The following KIF5C variants were observed in gnomAD, a reference collection of about 807,000 sequenced individuals.
KIF5C encodes the protein kinesin family member 5C, also known as kinesin heavy chain isoform 5C.
Under a neutral mutation model 125.2 loss-of-function variants are expected in KIF5C, and 18 were observed. That is an observed-to-expected ratio of 0.14 (90% CI 0.10 to 0.21). The LOEUF is 0.21. Ranked by LOEUF, KIF5C falls within the 10% of genes least tolerant of loss-of-function variation. The pLI is 1.00. For synonymous variants in KIF5C, 405 were observed against 434.0 expected, an observed-to-expected ratio of 0.93 and a Z score of 0.83; for missense variants, 780 against 1,183.8, an observed-to-expected ratio of 0.66 and a Z score of 5.01.
chr2:149,023,391 C>T lies in KIF5C; in HGVS notation c.*321C>T, dbSNP rs1279520559. 6.6e-6 allele frequency: 1 copy of T among 152,614 alleles called. No individual in the cohort carries two copies. Among genetic ancestry groups the T allele is most frequent in the Non-Finnish European group, 1.5e-5 (1 of 68,042 alleles). The allele number at this position is 152,614 out of a possible 1,614,324, so 9.5% of individuals were successfully genotyped here. A position where few individuals can be genotyped will look rare whatever the true frequency, so the allele number is the denominator to read the frequency against. ...GAGCCTCCTCTGGGCAGTGCACTGTCCCATCTGTACGCCCTAATGTGCCAT... is the reference window on the plus strand; with the variant it reads ...GAGCCTCCTCTGGGCAGTGCACTGTTCCATCTGTACGCCCTAATGTGCCAT... On this transcript the variant is annotated 3_prime_UTR_variant, in exon 26 of 26. Coordinates refer to ENST00000435030, the MANE Select transcript of KIF5C (RefSeq NM_004522.3).
At chr2:148,961,501 A>C (rs1337901543) in intron 10 of KIF5C, among the ~76,000 whole-genome samples, 2 of 152,198 alleles carry the variant, frequency 1.3e-5, no homozygotes, top group Non-Finnish European at 2.9e-5. Flanking sequence ...TGCAGTCTCC[A>C]AGAGGACAGA....
intron 1 of KIF5C, among the ~76,000 whole-genome samples, chr2:148,887,835 A>G (rs11899232): frequency 6.6e-6 from 1 of 151,120 alleles, no homozygotes; most frequent in Non-Finnish European, 1.5e-5. Flanking sequence ...CGCTAGTAGT[A>G]CGCTTCGGTT....
chr2:149,010,513 G>T (rs978958696), intron 24 of KIF5C, among the ~76,000 whole-genome samples, 162 bp downstream of exon 24: 3 of 152,268 alleles, frequency 2.0e-5, no homozygotes, highest in African/African-American at 7.2e-5. Context: ...TGCTCACCCT[G>T]TGGGAATGGG....
chr2:148,937,533 C>A, intron 4 of KIF5C, 145 bp downstream of exon 4: 2 of 1,175,202 alleles, frequency 1.7e-6, no homozygotes, highest in Non-Finnish European at 1.1e-6. Context: ...TTATTAGTGA[C>A]CTAGGCTAAC....
At position 148,981,568 on chromosome 2, in the gene KIF5C, G is replaced by A. The variant is rs1681236784; in HGVS notation, c.1569+7G>A. 5 of 1,583,046 alleles carry A rather than the reference G, an allele frequency of 3.2e-6. No homozygotes were observed. Among genetic ancestry groups the A allele is most frequent in the Non-Finnish European group, 4.3e-6 (5 of 1,164,910 alleles). ...CGAGCTGGCCCAGAAAACGGTTGGA[G>A]CATTTGTGTCTAGGGGGTGGGACTT... is the stretch of plus-strand genomic sequence containing the variant. On this transcript the variant is annotated splice_region_variant and intron_variant, in intron 14 of 25. Coordinates refer to ENST00000435030, the MANE Select transcript of KIF5C (RefSeq NM_004522.3).
intron 24 of KIF5C, 139 bp from the exon 25 acceptor site, chr2:149,011,431 A>C: frequency 8.3e-7 from 1 of 1,199,614 alleles, no homozygotes; most frequent in Non-Finnish European, 1.1e-6. Flanking sequence ...ATTTTCAGAG[A>C]GATCTGGTGG....
intron 25 of KIF5C, among the ~76,000 whole-genome samples, chr2:149,021,716 CTT>C (rs34201201): frequency 0.014 from 1,955 of 134,922 alleles, 28 homozygotes; most frequent in African/African-American, 0.037. Flanking sequence ...TTACAGAGGG[CTT>C]TTTTTTTTTT....
intron 1 of KIF5C, among the ~76,000 whole-genome samples, chr2:148,906,086 T>G (rs924046037): frequency 5.3e-5 from 8 of 152,016 alleles, no homozygotes; most frequent in African/African-American, 1.7e-4. Context: ...CCATATCAGA[T>G]GGGTTTACCT....
At chr2:148,884,353 G>A (rs1681453206) in intron 1 of KIF5C, 1 of 152,114 alleles carries the variant, frequency 6.6e-6, no homozygotes, top group South Asian at 2.1e-4. Flanking sequence ...ATATCTTCTG[G>A]GCAATGGTAA....
intron 11 of KIF5C, 149 bp downstream of exon 11, chr2:148,962,268 C>A: frequency 8.4e-7 from 1 of 1,193,796 alleles, no homozygotes; most frequent in Non-Finnish European, 1.1e-6. Flanking sequence ...AGGGTTCAAG[C>A]CATTCTCCTG....
At chr2:148,956,439 G>C (rs920021429) in intron 10 of KIF5C, among the ~76,000 whole-genome samples, 1 of 152,138 alleles carries the variant, frequency 6.6e-6, no homozygotes, top group Non-Finnish European at 1.5e-5. Flanking sequence ...TCTGATCTTT[G>C]TCCACTAGGC....
chr2:148,967,006 AC>A (rs1680746462), intron 11 of KIF5C, among the ~76,000 whole-genome samples: 1 of 152,212 alleles, frequency 6.6e-6, no homozygotes. Flanking sequence ...TCCAGGTAAG[AC>A]AGGGGCCACT....
At chr2:148,926,890 G>T (rs1009822840) in intron 2 of KIF5C, among the ~76,000 whole-genome samples, 1 of 152,186 alleles carries the variant, frequency 6.6e-6, no homozygotes, top group Non-Finnish European at 1.5e-5. Flanking sequence ...TAACGTGATT[G>T]TAAATACTTT....
chr2:148,930,914 G>A (rs192821888), intron 3 of KIF5C, among the ~76,000 whole-genome samples: 4 of 152,054 alleles, frequency 2.6e-5, no homozygotes, highest in Admixed American at 1.3e-4. Context: ...CTCCTGTCCC[G>A]GCCCCTCGCC....
intron 4 of KIF5C, among the ~76,000 whole-genome samples, 167 bp downstream of exon 4, chr2:148,937,555 G>A (rs770545145): frequency 8.5e-5 from 13 of 152,202 alleles, no homozygotes. Context: ...GGTGTCTGGA[G>A]GGTTTGCTTG....
At chr2:149,010,404 A>G in intron 24 of KIF5C, 53 bp downstream of exon 24, 2 of 1,484,810 alleles carry the variant, frequency 1.3e-6, no homozygotes, top group Non-Finnish European at 1.8e-6. Flanking sequence ...GCGGCCTCTC[A>G]GCTCAGATTT....
intron 23 of KIF5C, 142 bp downstream of exon 23, chr2:149,008,209 A>G (rs1431509763): frequency 5.0e-5 from 57 of 1,145,672 alleles, no homozygotes; most frequent in Non-Finnish European, 1.1e-6. Context: ...TGAGGGCTGG[A>G]AAGGTCCTTA....
intron 1 of KIF5C, among the ~76,000 whole-genome samples, chr2:148,880,615 C>T (rs541004805): frequency 6.6e-6 from 1 of 152,330 alleles, no homozygotes; most frequent in South Asian, 2.1e-4. Context: ...TTTGCATTTC[C>T]ATCTAAAAGC....
In KIF5C at chr2:148,978,899, AC is replaced by A. The variant is rs537773309; in HGVS notation, c.1294-22del. ...AAAAATGACATAACTAACCAAAAAA[AC>A]AAACATGATGTTTCGTTTCAGGATG... On this transcript the variant is annotated intron_variant, in intron 12 of 25. Transcript: ENST00000435030. 760 of 1,576,082 alleles carry A rather than the reference AC, an allele frequency of 4.8e-4. 1 individual carries two copies. In the African/African-American group the frequency reaches 9.5e-3, roughly 20 times the overall value.
Sources: gnomAD v4.1 joint callset for allele counts (sites outside exome capture counted in the v4.1 genomes callset) on GRCh38, gnomAD v4.1.1 for gene constraint, MANE v1.5 for transcripts, NCBI Gene and HGNC (gene_info 2026-07-23, HGNC 2026-07-21) for gene names.